PRCD: variants seen among roughly 807,000 people sequenced by gnomAD.
The protein encoded by PRCD is photoreceptor disk component PRCD.
In PRCD, 12 loss-of-function variants were observed where a neutral mutation model predicts 10.1. The observed-to-expected ratio is 1.18, with a 90% CI of 0.76 to 1.92. The LOEUF (loss-of-function observed/expected upper bound fraction) is 1.92, where lower values mean the gene tolerates loss of function less well. PRCD is among the 40% of genes most tolerant of loss of function. PRCD has a pLI of 0.00. For synonymous variants in PRCD, 31 were observed against 26.2 expected, an observed-to-expected ratio of 1.18 and a Z score of -0.56; for missense variants, 61 against 72.2, an observed-to-expected ratio of 0.84 and a Z score of 0.56.
At chr17:76,552,842 C>T (rs1164551113) in intron 1 of PRCD, 3 of 118,352 alleles carry the variant, frequency 2.5e-5, no homozygotes, top group South Asian at 2.7e-4. Context: ...CCAGCCTGGG[C>T]GACAAGAGCA....
Position 76,540,261 on chromosome 17 carries a change from G to GA in PRCD, c.74+46_74+47insA, listed in dbSNP as rs766812624. 1.2e-6 allele frequency: 1 copy of GA among 826,464 alleles called. No homozygotes were observed. Among genetic ancestry groups the GA allele is most frequent in the Non-Finnish European group, 2.0e-6 (1 of 498,392 alleles). 51.2% of individuals were successfully genotyped at this position (826,464 alleles called of 1,614,324 possible). ...TGGCTGGCGGTTGGTCGGGGGGGGG[G>GA]GGCATGGGGCTGGGCTGCCACCAAG... On this transcript the variant is annotated intron_variant, in intron 1 of 4. Coordinates refer to ENST00000592014, the MANE Select transcript of PRCD (RefSeq NM_001077620.3). This position sits in a 1 kb window ranked among gnomAD's most constrained non-coding sequence, Gnocchi z 5.0.
At chr17:76,550,650 C>T (rs1399693892) in intron 1 of PRCD, 1 of 152,138 alleles carries the variant, frequency 6.6e-6, no homozygotes, top group Non-Finnish European at 1.5e-5. Context: ...GACTACTGAA[C>T]CATACATTGT....
chr17:76,531,832 A>G lies in PRCD; in HGVS notation n.45+3999A>G, dbSNP rs2074848679. ...CGTCACTGTTTTCACTACCATCAGT[A>G]GACCTCAGCATAGACCCTCCTCCCT... On this transcript the variant is annotated intron_variant and non_coding_transcript_variant, in intron 1 of 4. Transcript: ENST00000397633. The surrounding 1 kb of genome is among the most constrained non-coding windows in gnomAD (Gnocchi z 7.4). The G allele has an allele frequency of 4.4e-6, 3 of 684,036 alleles. No individual in the cohort carries two copies. Among genetic ancestry groups the G allele is most frequent in the Non-Finnish European group, 4.9e-6 (2 of 409,358 alleles). The allele number at this position is 684,036 out of a possible 1,614,324, so 42.4% of individuals were successfully genotyped here. A position where few individuals can be genotyped will look rare whatever the true frequency, so the allele number is the denominator to read the frequency against.
Position 76,531,393 on chromosome 17 carries a change from G to T in PRCD, n.45+3560G>T. ...TGTTGCTCCAGAGAGCCGTCGCAGA[G>T]CCTGCGAGCTGCAGATGGCCATGAC... On this transcript the variant is annotated intron_variant and non_coding_transcript_variant, in intron 1 of 4. Coordinates refer to the PRCD transcript ENST00000397633. This position sits in a 1 kb window ranked among gnomAD's most constrained non-coding sequence, Gnocchi z 7.4. The T allele has an allele frequency of 6.5e-7, 1 of 1,545,272 alleles. No homozygotes were observed. The highest frequency in any genetic ancestry group is 8.8e-7 in the Non-Finnish European group (1 of 1,130,642).
At chr17:76,548,261 G>C (rs1021237924), downstream of PRCD, among the ~76,000 whole-genome samples, 7 of 152,018 alleles carry the variant, frequency 4.6e-5, 1 homozygote, top group South Asian at 1.5e-3. Context: ...CACACACACA[G>C]ATACACATAA....
chr17:76,537,669 G>C (rs2074935677), upstream of PRCD: 1 of 862,644 alleles, frequency 1.2e-6, no homozygotes. Flanking sequence ...GTAGAGCGCG[G>C]AGGGAGGGAG....
At position 76,530,039 on chromosome 17, in the gene PRCD, G is replaced by A. The variant is rs1395877635; in HGVS notation, n.45+2206G>A. 1.6e-5 allele frequency: 16 copies of A among 985,308 alleles called. No homozygotes were observed. Among genetic ancestry groups the A allele is most frequent in the Middle Eastern group, 5.2e-4 (1 of 1,936 alleles). The allele number at this position is 985,308 out of a possible 1,614,324, so 61.0% of individuals were successfully genotyped here. A position where few individuals can be genotyped will look rare whatever the true frequency, so the allele number is the denominator to read the frequency against. On this transcript the variant is annotated intron_variant and non_coding_transcript_variant, in intron 1 of 4. Coordinates refer to the PRCD transcript ENST00000397633. The surrounding 1 kb of genome is among the most constrained non-coding windows in gnomAD (Gnocchi z 6.1). ...AGCTGTGCCTGTGAACAGAAGGGCCGGCAGTCTTGGGGGCCCGTGCAGAGC... is the reference window on the plus strand; with the variant it reads ...AGCTGTGCCTGTGAACAGAAGGGCCAGCAGTCTTGGGGGCCCGTGCAGAGC...
upstream of PRCD, chr17:76,537,424 T>C: frequency 6.3e-7 from 1 of 1,598,062 alleles, no homozygotes; most frequent in African/African-American, 1.4e-5. Flanking sequence ...CACCCCCACG[T>C]CCTCGCAGTT....
rs2074982549 is a variant in PRCD, at chr17:76,540,720, C to T, written c.143+147C>T. ...CCCTAAGCACCCTGCTCCCTGTCCG[C>T]CTGCTGGGCAGGCTGGATGTCTGTT... On this transcript the variant is annotated intron_variant, in intron 2 of 4. Coordinates refer to ENST00000592014, the MANE Select transcript of PRCD (RefSeq NM_001077620.3). The surrounding 1 kb of genome is among the most constrained non-coding windows in gnomAD (Gnocchi z 5.0). 1.3e-6 allele frequency: 1 copy of T among 791,106 alleles called. No individual in the cohort carries two copies. The highest frequency in any genetic ancestry group is 1.7e-5 in the African/African-American group (1 of 58,548). The allele number at this position is 791,106 out of a possible 1,614,324, so 49.0% of individuals were successfully genotyped here.
In PRCD at chr17:76,540,935, C is replaced by A. The variant is rs1247068346; in HGVS notation, c.143+362C>A. Among the ~76,000 whole-genome samples, 11 of 152,230 alleles carry A rather than the reference C, an allele frequency of 7.2e-5. No individual in the cohort carries two copies. Among genetic ancestry groups the A allele is most frequent in the Non-Finnish European group, 8.8e-5 (6 of 68,036 alleles). The stretch of plus-strand genomic sequence containing the variant: ...TTTCCTTGCCCTTCCCCCTCCTCCT[C>A]CTCTGCCCCCGCCCTGCCTCAGCTA... On this transcript the variant is annotated intron_variant, in intron 2 of 4. Transcript: ENST00000592014. The surrounding 1 kb of genome is among the most constrained non-coding windows in gnomAD (Gnocchi z 5.0).
chr17:76,553,218 A>T (rs1453341348), exon 2 of PRCD: 2 of 152,174 alleles, frequency 1.3e-5, no homozygotes, highest in African/African-American at 4.8e-5. Context: ...GTTGTTTTTA[A>T]AAGCAGGAAA....
rs547555206 is a variant in PRCD, at chr17:76,542,140, G to A, written c.144-413G>A. Among the ~76,000 whole-genome samples the A allele has an allele frequency of 3.1e-4, 47 of 152,338 alleles. 1 individual carries two copies. Among genetic ancestry groups the A allele is most frequent in the African/African-American group, 7.9e-4 (33 of 41,578 alleles). On this transcript the variant is annotated intron_variant, in intron 2 of 4. Transcript: ENST00000592014. ...ATCATCTATCTCATTTGTGGCTAAT[G>A]CGGGATGCTCAGGCCCGATTCCAGG...
rs570969654 is a variant in PRCD at position 76,528,087 on chromosome 17, C to T, written n.45+254C>T. On this transcript the variant is annotated intron_variant and non_coding_transcript_variant, in intron 1 of 4. Coordinates refer to the PRCD transcript ENST00000397633. The surrounding 1 kb of genome is among the most constrained non-coding windows in gnomAD (Gnocchi z 5.8). ...GGTGGGCCAAACCGAGGCTTCTGGG[C>T]GCCGCGGATACACATTCTAGATATG... 2.2e-5 allele frequency: 8 copies of T among 368,562 alleles called. No individual in the cohort carries two copies. The highest frequency in any genetic ancestry group is 6.3e-5 in the South Asian group (2 of 31,900). 22.8% of individuals were successfully genotyped at this position (368,562 alleles called of 1,614,324 possible). A position where few individuals can be genotyped will look rare whatever the true frequency, so the allele number is the denominator to read the frequency against.
chr17:76,534,585 C>T (rs955621358), intron 1 of PRCD, among the ~76,000 whole-genome samples: 2 of 152,232 alleles, frequency 1.3e-5, no homozygotes, highest in South Asian at 4.1e-4. Flanking sequence ...TCTCACGAAT[C>T]CTTGCAATTC....
Position 76,531,207 on chromosome 17 carries a change from C to A in PRCD, n.45+3374C>A. The stretch of plus-strand genomic sequence containing the variant: ...GCCCTGCGTCCTGCAACCCCCAGGC[C>A]CCTCCGCCCCACGTGTGGCCGAGAG... On this transcript the variant is annotated intron_variant and non_coding_transcript_variant, in intron 1 of 4. Transcript: ENST00000397633. This position sits in a 1 kb window ranked among gnomAD's most constrained non-coding sequence, Gnocchi z 7.4. 1.3e-6 allele frequency: 2 copies of A among 1,518,458 alleles called. No individual in the cohort carries two copies. The allele number at this position is 1,518,458 out of a possible 1,614,324, so 94.1% of individuals were successfully genotyped here.
chr17:76,535,952 C>T (rs1215268038), upstream of PRCD, among the ~76,000 whole-genome samples: 1 of 152,178 alleles, frequency 6.6e-6, no homozygotes, highest in African/African-American at 2.4e-5. Context: ...CATGCAAGGC[C>T]GGTGGGCTGC....
At position 76,528,065 on chromosome 17, in the gene PRCD, G is replaced by A. The variant is rs1183254714; in HGVS notation, n.45+232G>A. On this transcript the variant is annotated intron_variant and non_coding_transcript_variant, in intron 1 of 4. Coordinates refer to the PRCD transcript ENST00000397633. The surrounding 1 kb of genome is among the most constrained non-coding windows in gnomAD (Gnocchi z 5.8). ...ACCCCTCCCTGCCCCACTCACAGGTGGGCCAAACCGAGGCTTCTGGGCGCC... is the reference window on the plus strand; with the variant it reads ...ACCCCTCCCTGCCCCACTCACAGGTAGGCCAAACCGAGGCTTCTGGGCGCC... 5.5e-6 allele frequency: 2 copies of A among 363,232 alleles called. No individual in the cohort carries two copies. Among genetic ancestry groups the A allele is most frequent in the Non-Finnish European group, 5.2e-6 (1 of 192,936 alleles). The allele number at this position is 363,232 out of a possible 1,614,324, so 22.5% of individuals were successfully genotyped here. A position where few individuals can be genotyped will look rare whatever the true frequency, so the allele number is the denominator to read the frequency against.
At chr17:76,536,801 G>A (rs936017692), upstream of PRCD, among the ~76,000 whole-genome samples, 2 of 152,152 alleles carry the variant, frequency 1.3e-5, no homozygotes, top group African/African-American at 4.8e-5. Flanking sequence ...GGGACTGTTT[G>A]CTTCTCCACT....
upstream of PRCD, chr17:76,538,368 C>G (rs929732834): frequency 2.8e-6 from 1 of 355,862 alleles, no homozygotes; most frequent in Admixed American, 3.4e-5. Context: ...CCCCGGCTGT[C>G]GGAACTTGAG....
Sources: allele counts gnomAD v4.1 joint callset (sites outside exome capture counted in the v4.1 genomes callset), GRCh38; gene constraint gnomAD v4.1.1; non-coding constraint Gnocchi (gnomAD v3.1); transcripts MANE v1.5; gene names NCBI Gene and HGNC (gene_info 2026-07-23, HGNC 2026-07-21).